Variants in YEATS4 observed in about 807,000 individuals in gnomAD.
The protein encoded by YEATS4 is YEATS domain-containing protein 4.
YEATS4 carries 17 observed loss-of-function variants against 30.1 expected under a neutral mutation model. That is an observed-to-expected ratio of 0.56 (90% CI 0.39 to 0.85). The LOEUF (loss-of-function observed/expected upper bound fraction) is 0.85, where lower values mean the gene tolerates loss of function less well. YEATS4 is among the 40% of genes least tolerant of loss of function. The pLI, the probability that YEATS4 is intolerant of heterozygous loss-of-function variation, is 0.00. For missense variants in YEATS4, 142 were observed against 268.3 expected (o/e 0.53, Z 3.29); for synonymous variants, 85 against 87.5 (o/e 0.97, Z 0.16).
At chr12:69,402,729 T>TC in the YEATS4 span, among the ~76,000 whole-genome samples, 1 of 147,496 alleles carries the variant, frequency 6.8e-6, no homozygotes, top group African/African-American at 2.5e-5. Context: ...TCTTTTCTTT[T>TC]TTTTTTTTTT....
chr12:69,388,072 T>G (rs1001338008), intron 6 of YEATS4, among the ~76,000 whole-genome samples: 8 of 151,878 alleles, frequency 5.3e-5, no homozygotes, highest in African/African-American at 1.9e-4. Flanking sequence ...TATTTTTTTT[T>G]TTTGAGGCAG....
At chr12:69,408,316 C>A in the YEATS4 span, among the ~76,000 whole-genome samples, 1 of 152,172 alleles carries the variant, frequency 6.6e-6, no homozygotes, top group South Asian at 2.1e-4. Context: ...ATACTAATTT[C>A]TCATTTTTAT....
rs992757910 is a variant in YEATS4 at position 69,359,756 on chromosome 12, G to A, written c.-217G>A. 7.1e-5 allele frequency: 40 copies of A among 561,490 alleles called. No individual in the cohort carries two copies. Among genetic ancestry groups the A allele is most frequent in the Admixed American group, 4.5e-4 (13 of 28,588 alleles). The allele number at this position is 561,490 out of a possible 1,614,324, so 34.8% of individuals were successfully genotyped here. A position where few individuals can be genotyped will look rare whatever the true frequency, so the allele number is the denominator to read the frequency against. ...CGGCCGTCGCCCCTCTTTTCGCGGC[G>A]TTCTCCACCTGCGCGGGCCTGAATG... On this transcript the variant is annotated 5_prime_UTR_variant, in exon 1 of 7. Transcript: ENST00000247843.
chr12:69,401,845 C>G, the YEATS4 span, among the ~76,000 whole-genome samples: 2 of 152,100 alleles, frequency 1.3e-5, no homozygotes, highest in African/African-American at 4.8e-5. Context: ...AAATTGCCTG[C>G]CAGCAAGTAA....
At chr12:69,366,020 A>G in intron 4 of YEATS4, 136 bp downstream of exon 4, 2 of 604,908 alleles carry the variant, frequency 3.3e-6, no homozygotes, top group Non-Finnish European at 5.1e-6. Flanking sequence ...CCATGAGTTA[A>G]GTTTTTCATT....
intron 4 of YEATS4, among the ~76,000 whole-genome samples, chr12:69,366,788 A>G (rs570608600): frequency 3.9e-5 from 6 of 152,316 alleles, no homozygotes; most frequent in Admixed American, 1.3e-4. Flanking sequence ...CTGTGTATGT[A>G]TTTTTAAAGG....
the YEATS4 span, among the ~76,000 whole-genome samples, chr12:69,403,719 AG>A: frequency 6.6e-6 from 1 of 152,204 alleles, no homozygotes; most frequent in Non-Finnish European, 1.5e-5. Context: ...TTGCATCATG[AG>A]GAATTCATTT....
At chr12:69,398,369 T>G in the YEATS4 span, among the ~76,000 whole-genome samples, 1 of 152,030 alleles carries the variant, frequency 6.6e-6, no homozygotes, top group African/African-American at 2.4e-5. Flanking sequence ...AATTGCAGGA[T>G]GAACGATTAT....
intron 6 of YEATS4, among the ~76,000 whole-genome samples, chr12:69,388,674 T>G (rs910563766): frequency 1.3e-5 from 2 of 152,238 alleles, no homozygotes; most frequent in African/African-American, 4.8e-5. Context: ...TAACATTTCT[T>G]TAGTACTTTG....
At chr12:69,385,922 G>A (rs1876259442) in intron 6 of YEATS4, among the ~76,000 whole-genome samples, 2 of 152,122 alleles carry the variant, frequency 1.3e-5, no homozygotes, top group African/African-American at 4.8e-5. Flanking sequence ...AAATTACCCA[G>A]TAGAGCCTGC....
the YEATS4 span, among the ~76,000 whole-genome samples, chr12:69,396,387 C>T: frequency 0.06 from 9,086 of 152,258 alleles, 397 homozygotes; most frequent in African/African-American, 0.12. Context: ...TTTAATTCAG[C>T]ATTTCCTGAC....
chr12:69,368,779 C>T (rs1237237740), intron 4 of YEATS4, among the ~76,000 whole-genome samples: 2 of 152,186 alleles, frequency 1.3e-5, no homozygotes, highest in Non-Finnish European at 2.9e-5. Context: ...TAATATCTTC[C>T]TCCATTGTCA....
intron 6 of YEATS4, among the ~76,000 whole-genome samples, chr12:69,389,245 T>C (rs1175668434): frequency 6.6e-6 from 1 of 151,482 alleles, no homozygotes; most frequent in Non-Finnish European, 1.5e-5. Flanking sequence ...AGCTCAGGAG[T>C]TCGCAGTCAG....
intron 6 of YEATS4, among the ~76,000 whole-genome samples, chr12:69,387,930 TAAAAGAATG>T (rs1868270669): frequency 6.6e-6 from 1 of 152,170 alleles, no homozygotes; most frequent in Admixed American, 6.5e-5. Flanking sequence ...AAATAATTTG[TAAAAGAATG>T]AAAAGAATTA....
chr12:69,376,822 A>G (rs1282538148), intron 6 of YEATS4, among the ~76,000 whole-genome samples: 2 of 152,198 alleles, frequency 1.3e-5, no homozygotes, highest in Non-Finnish European at 2.9e-5. Context: ...CAGTGAAGCC[A>G]TTGGGTCCTG....
At chr12:69,422,211 T>C in the YEATS4 span, among the ~76,000 whole-genome samples, 1 of 151,930 alleles carries the variant, frequency 6.6e-6, no homozygotes, top group Non-Finnish European at 1.5e-5. Flanking sequence ...GCAACAGAAA[T>C]GTTAGGTGTT....
At chr12:69,408,130 G>C in the YEATS4 span, among the ~76,000 whole-genome samples, 2 of 152,190 alleles carry the variant, frequency 1.3e-5, no homozygotes, top group African/African-American at 4.8e-5. Flanking sequence ...CTTATGTGGA[G>C]AGGATCTTGA....
chr12:69,413,333 G>C, the YEATS4 span, among the ~76,000 whole-genome samples: 1 of 137,322 alleles, frequency 7.3e-6, no homozygotes, highest in Non-Finnish European at 1.5e-5. Flanking sequence ...GGGCAACAAA[G>C]TGAGACCCTG....
At chr12:69,404,550 G>T in the YEATS4 span, among the ~76,000 whole-genome samples, 1 of 152,046 alleles carries the variant, frequency 6.6e-6, no homozygotes. Flanking sequence ...TGCTTTCATC[G>T]AATGGGAGGA....
Sources: gnomAD v4.1 joint callset for allele counts (sites outside exome capture counted in the v4.1 genomes callset) on GRCh38, gnomAD v4.1.1 for gene constraint, MANE v1.5 for transcripts, NCBI Gene and HGNC (gene_info 2026-07-23, HGNC 2026-07-21) for gene names.